The following TRNT1 variants were observed in gnomAD, a reference collection of about 807,000 sequenced individuals.
TRNT1 encodes the protein tRNA nucleotidyl transferase 1.
Under a neutral mutation model 45.6 loss-of-function variants are expected in TRNT1, and 44 were observed. The ratio of observed to expected loss-of-function variants is 0.97; its 90% CI spans 0.76 to 1.24. TRNT1 has a LOEUF of 1.24. TRNT1 is among the 50% of genes most tolerant of loss of function. TRNT1 has a pLI of 0.00. For synonymous variants in TRNT1, 201 were observed against 171.4 expected (o/e 1.17, Z -1.35); for missense variants, 633 against 504.4 (o/e 1.25, Z -2.44).
chr3:3,145,771 AGATT>A (rs1157878793), intron 5 of TRNT1, among the ~76,000 whole-genome samples: 5 of 152,244 alleles, frequency 3.3e-5, no homozygotes, highest in Non-Finnish European at 7.4e-5. Flanking sequence ...AATAGAACAT[AGATT>A]AAGACTTAGC....
At chr3:3,136,217 T>G (rs1203390920) in intron 2 of TRNT1, among the ~76,000 whole-genome samples, 1 of 152,182 alleles carries the variant, frequency 6.6e-6, no homozygotes. Flanking sequence ...TGGGCTTGTC[T>G]GATATTGATG....
Position 3,144,628 on chromosome 3 carries a change from T to C in TRNT1, c.526T>C (p.Leu176=). ...TGACTACTTTAATGGTTATGAAGATTTAAAAAATAAGAAAGTTAGATTTGT... is the reference window on the plus strand; with the variant it reads ...TGACTACTTTAATGGTTATGAAGATCTAAAAAATAAGAAAGTTAGATTTGT... The part of the protein sequence containing the change: ...LFDYFNGYED[L]KNKKVRFVGH... Residue 176 remains leucine, a synonymous_variant, in exon 5 of 8, where the codon TTA becomes CTA. Coordinates refer to ENST00000251607, the MANE Select transcript of TRNT1 (RefSeq NM_182916.3). 6.3e-7 allele frequency: 1 copy of C among 1,587,590 alleles called. No homozygotes were observed. Among genetic ancestry groups the C allele is most frequent in the Non-Finnish European group, 8.6e-7 (1 of 1,160,722 alleles).
Position 3,137,341 on chromosome 3 carries a change from A to G in TRNT1, c.230A>G (p.Asp77Gly). ...TTATTAAATGGAGTAAAGCCTCAGG[A>G]TATAGATTTTGCCACCACTGCTACC... The part of the protein sequence containing the change: ...RDLLNGVKPQ[D>G]IDFATTATPT... Residue 77 changes from aspartate (D) to glycine (G), a missense_variant, in exon 3 of 8, where the codon GAT becomes GGT. Physicochemically the swap from Asp to Gly is moderately conservative, Grantham distance 94. Transcript: ENST00000251607. 1 of 1,614,026 alleles carries G rather than the reference A, an allele frequency of 6.2e-7. No homozygotes were observed. The highest frequency in any genetic ancestry group is 1.1e-5 in the South Asian group (1 of 91,080).
downstream of TRNT1, chr3:3,150,871 GCAAAGTATT>G: frequency 6.2e-7 from 1 of 1,613,302 alleles, no homozygotes; most frequent in Non-Finnish European, 8.5e-7. Flanking sequence ...CTGTTTACAA[GCAAAGTATT>G]ACTTTGTCTG....
intron 4 of TRNT1, among the ~76,000 whole-genome samples, chr3:3,142,108 C>T (rs1050473957): frequency 1.3e-5 from 2 of 152,190 alleles, no homozygotes; most frequent in Non-Finnish European, 2.9e-5. Context: ...GTAGTCAGAG[C>T]TCCAGGTATT....
chr3:3,136,648 C>CT (rs766244958), intron 2 of TRNT1: 38 of 397,102 alleles, frequency 9.6e-5, no homozygotes, highest in East Asian at 3.0e-4. Context: ...GATTTACTTT[C>CT]TTTTTTTTTC....
intron 2 of TRNT1, chr3:3,136,864 T>G: frequency 9.9e-6 from 3 of 303,842 alleles, no homozygotes; most frequent in Non-Finnish European, 1.9e-5. Context: ...TTGCCCAGGC[T>G]GGTCTTGAAC....
At chr3:3,127,587 A>G (rs1254448068) in intron 1 of TRNT1, 1 of 152,614 alleles carries the variant, frequency 6.6e-6, no homozygotes, top group Non-Finnish European at 1.5e-5. Flanking sequence ...ATGGCAGGAA[A>G]AGAATCAGGA....
At chr3:3,137,864 A>G (rs2126018422) in intron 3 of TRNT1, among the ~76,000 whole-genome samples, 1 of 152,238 alleles carries the variant, frequency 6.6e-6, no homozygotes, top group African/African-American at 2.4e-5. Flanking sequence ...ATGACTCTGT[A>G]TTGTTTACAG....
chr3:3,128,079 T>G (rs1704713899), intron 1 of TRNT1: 1 of 152,240 alleles, frequency 6.6e-6, no homozygotes, highest in Non-Finnish European at 1.5e-5. Context: ...ATTAACTTCT[T>G]ACCCATAAGA....
downstream of TRNT1, chr3:3,149,306 C>T (rs1269134281): frequency 6.6e-6 from 1 of 152,010 alleles, no homozygotes; most frequent in Non-Finnish European, 1.5e-5. Flanking sequence ...TGCCAAAATA[C>T]AGATTTAGAC....
chr3:3,145,688 T>C (rs1705963144), intron 5 of TRNT1: 1 of 152,144 alleles, frequency 6.6e-6, no homozygotes, highest in South Asian at 2.1e-4. Context: ...CTCAGAATAT[T>C]CTATAACAGA....
intron 2 of TRNT1, chr3:3,131,469 G>T (rs1271085346): frequency 6.6e-6 from 1 of 151,678 alleles, no homozygotes; most frequent in Non-Finnish European, 1.5e-5. Flanking sequence ...CCTGAAACTG[G>T]CTAGCCATAT....
chr3:3,129,810 G>A, intron 2 of TRNT1: 2 of 1,467,480 alleles, frequency 1.4e-6, no homozygotes, highest in Non-Finnish European at 1.9e-6. Flanking sequence ...GGCATGTGAA[G>A]TGCTTTGCCT....
At chr3:3,149,409 A>AGTAGTATAGTATATGTGTGTTTT (rs1218236855), downstream of TRNT1, 21 of 152,154 alleles carry the variant, frequency 1.4e-4, no homozygotes, top group East Asian at 1.4e-3. Context: ...CATTTTCAGT[A>AGTAGTATAGTATATGTGTGTTTT]GTAGTATAGT....
At chr3:3,147,339 T>A in intron 6 of TRNT1, 111 bp from the exon 7 acceptor site, 1 of 1,216,722 alleles carries the variant, frequency 8.2e-7, no homozygotes, top group East Asian at 2.3e-5. Flanking sequence ...ACCTATATAA[T>A]GTATCCTAGT....
chr3:3,147,478 AT>A lies in TRNT1; in HGVS notation c.834del (p.Phe278LeufsTer16). The A allele has an allele frequency of 6.2e-7, 1 of 1,613,700 alleles. No individual in the cohort carries two copies. The highest frequency in any genetic ancestry group is 8.5e-7 in the Non-Finnish European group (1 of 1,179,708). ...TACCTGCTAATGCAAGTTTAGAAGA[AT>A]TTGACAAAGTCAGTAAAAATGTTGA... ...GLPANASLEE[F>X]DKVSKNVDGF... On this transcript the variant is annotated frameshift_variant, in exon 7 of 8. Transcript: ENST00000251607. LOFTEE classifies it high-confidence loss of function.
rs747886094 is a variant in TRNT1 at position 3,148,109 on chromosome 3, C to T, written c.1260C>T (p.Tyr420=). Residue 420 remains tyrosine, a synonymous_variant, in exon 8 of 8, where the codon TAC becomes TAT. Coordinates refer to ENST00000251607, the MANE Select transcript of TRNT1 (RefSeq NM_182916.3). ...GAGAACAGTGGAAAAAAAGTGGTTA[C>T]CAAATGGAAAAAGATGAACTTCTGA... ...QLREQWKKSG[Y]QMEKDELLSY... 9 of 1,613,628 alleles carry T rather than the reference C, an allele frequency of 5.6e-6. 1 individual carries two copies. In the South Asian group the frequency reaches 9.9e-5, roughly 18 times the overall value.
downstream of TRNT1, among the ~76,000 whole-genome samples, chr3:3,151,271 TC>T (rs1464715843): frequency 6.6e-6 from 1 of 152,250 alleles, no homozygotes; most frequent in Non-Finnish European, 1.5e-5. Context: ...TTTACATTTT[TC>T]TTCTACTGCA....
Sources: gnomAD v4.1 joint callset for allele counts (sites outside exome capture counted in the v4.1 genomes callset) on GRCh38, gnomAD v4.1.1 for gene constraint, MANE v1.5 for transcripts, NCBI Gene and HGNC (gene_info 2026-07-23, HGNC 2026-07-21) for gene names.